GRIK1: variants seen among roughly 807,000 people sequenced by gnomAD.
The protein encoded by GRIK1 is glutamate ionotropic receptor kainate type subunit 1.
In GRIK1, 69 loss-of-function variants were observed where a neutral mutation model predicts 105.7. The observed-to-expected ratio is 0.65, with a 90% CI of 0.54 to 0.80. GRIK1 has a LOEUF of 0.80. Ranked by LOEUF, GRIK1 falls within the 30% of genes least tolerant of loss-of-function variation. The pLI, the probability that GRIK1 is intolerant of heterozygous loss-of-function variation, is 0.00. For missense variants in GRIK1, 1,109 were observed against 1,167.3 expected (o/e 0.95, Z 0.73); for synonymous variants, 438 against 431.3 (o/e 1.02, Z -0.19).
At chr21:29,811,009 C>A (rs927182850) in intron 1 of GRIK1, among the ~76,000 whole-genome samples, 2 of 152,134 alleles carry the variant, frequency 1.3e-5, no homozygotes, top group Admixed American at 1.3e-4. Context: ...GACTGACAGG[C>A]AATTTCAACT....
intron 1 of GRIK1, among the ~76,000 whole-genome samples, chr21:29,843,896 C>T (rs1282357061): frequency 6.6e-6 from 1 of 152,170 alleles, no homozygotes; most frequent in Non-Finnish European, 1.5e-5. Flanking sequence ...TGGACTGGTT[C>T]AGTCCCCACA....
intron 1 of GRIK1, among the ~76,000 whole-genome samples, chr21:29,868,301 A>T (rs929761414): frequency 2.0e-5 from 3 of 152,168 alleles, no homozygotes; most frequent in African/African-American, 7.2e-5. Flanking sequence ...CTTGTCTGAG[A>T]CATATTTACT....
chr21:29,838,165 T>C (rs1018738600), intron 1 of GRIK1, among the ~76,000 whole-genome samples: 3 of 152,102 alleles, frequency 2.0e-5, no homozygotes, highest in African/African-American at 7.2e-5. Flanking sequence ...GGGTCCATAA[T>C]AGGATAAGAG....
chr21:29,681,488 G>C (rs1332395945), intron 3 of GRIK1, among the ~76,000 whole-genome samples: 2 of 152,110 alleles, frequency 1.3e-5, no homozygotes, highest in Non-Finnish European at 2.9e-5. Flanking sequence ...TAGCTGTTCT[G>C]TCTGACTAGA....
chr21:29,614,665 G>A (rs1452550688), intron 7 of GRIK1, among the ~76,000 whole-genome samples: 2 of 151,046 alleles, frequency 1.3e-5, no homozygotes, highest in African/African-American at 4.9e-5. Context: ...TGCCTGCCTC[G>A]GCCTCCCAAA....
At chr21:29,643,633 G>T (rs1045219910) in intron 6 of GRIK1, among the ~76,000 whole-genome samples, 2 of 152,156 alleles carry the variant, frequency 1.3e-5, no homozygotes, top group African/African-American at 4.8e-5. Context: ...CTTTTAGGGG[G>T]TTGGGCATCT....
At chr21:29,803,875 C>T (rs971623272) in intron 1 of GRIK1, among the ~76,000 whole-genome samples, 3 of 152,090 alleles carry the variant, frequency 2.0e-5, no homozygotes, top group African/African-American at 7.2e-5. Context: ...ATCCCATTGA[C>T]TCATTTCTTG....
At chr21:29,674,662 C>T (rs938965948) in intron 3 of GRIK1, among the ~76,000 whole-genome samples, 1 of 152,086 alleles carries the variant, frequency 6.6e-6, no homozygotes, top group African/African-American at 2.4e-5. Context: ...CCCTTGCTCT[C>T]TCTCTCTCTT....
chr21:29,556,028 C>G (rs943319603), intron 15 of GRIK1, among the ~76,000 whole-genome samples: 1 of 152,110 alleles, frequency 6.6e-6, no homozygotes, highest in African/African-American at 2.4e-5. Flanking sequence ...CAGTAACTTT[C>G]TCCAGAGAAG....
At chr21:29,549,000 T>C (rs541345167) in intron 16 of GRIK1, among the ~76,000 whole-genome samples, 14 of 152,334 alleles carry the variant, frequency 9.2e-5, no homozygotes, top group African/African-American at 3.4e-4. Flanking sequence ...CTATGTTTCA[T>C]TGCTGTTGAT....
chr21:29,703,187 A>G (rs1258668882), intron 1 of GRIK1, among the ~76,000 whole-genome samples: 2 of 152,226 alleles, frequency 1.3e-5, no homozygotes, highest in African/African-American at 2.4e-5. Context: ...CCAAGATACT[A>G]TATGTATTCT....
chr21:29,842,495 T>C (rs1239008484), intron 1 of GRIK1, among the ~76,000 whole-genome samples: 1 of 152,166 alleles, frequency 6.6e-6, no homozygotes, highest in African/African-American at 2.4e-5. Flanking sequence ...GTCCTCATAT[T>C]TTGGAGTTAA....
At chr21:29,837,278 C>T (rs144092789) in intron 1 of GRIK1, among the ~76,000 whole-genome samples, 1 of 152,206 alleles carries the variant, frequency 6.6e-6, no homozygotes, top group African/African-American at 2.4e-5. Flanking sequence ...CGTTTTGGCA[C>T]ATAGGGGAGG....
chr21:29,679,297 C>G (rs2063329847), intron 3 of GRIK1, among the ~76,000 whole-genome samples: 1 of 152,178 alleles, frequency 6.6e-6, no homozygotes, highest in South Asian at 2.1e-4. Context: ...CTCTTCACTG[C>G]AGGCTGCATT....
chr21:29,584,466 A>C (rs2091088892), intron 12 of GRIK1, among the ~76,000 whole-genome samples: 1 of 152,222 alleles, frequency 6.6e-6, no homozygotes, highest in African/African-American at 2.4e-5. Flanking sequence ...CAAAAAGTGG[A>C]AACATTGTCA....
intron 12 of GRIK1, among the ~76,000 whole-genome samples, chr21:29,585,340 T>G (rs1442388947): frequency 6.6e-6 from 1 of 152,168 alleles, no homozygotes; most frequent in Non-Finnish European, 1.5e-5. Flanking sequence ...CGTGCCATTC[T>G]GACATACTCT....
intron 7 of GRIK1, among the ~76,000 whole-genome samples, chr21:29,621,546 C>T (rs574405429): frequency 2.0e-5 from 3 of 152,172 alleles, no homozygotes; most frequent in African/African-American, 7.2e-5. Context: ...TAATAGTGAA[C>T]CCTCTTGCTA....
intron 8 of GRIK1, chr21:29,597,836 G>A (rs895000615): frequency 2.8e-5 from 5 of 176,512 alleles, no homozygotes; most frequent in East Asian, 1.7e-4. Context: ...GAGGGGGAGG[G>A]GTAGTTAGCA....
intron 1 of GRIK1, among the ~76,000 whole-genome samples, chr21:29,754,196 T>G (rs1351123597): frequency 6.6e-6 from 1 of 152,184 alleles, no homozygotes; most frequent in Non-Finnish European, 1.5e-5. Flanking sequence ...ACAAATGCAG[T>G]TAGTGAACTT....
Sources: allele counts gnomAD v4.1 joint callset (sites outside exome capture counted in the v4.1 genomes callset), GRCh38; gene constraint gnomAD v4.1.1; transcripts MANE v1.5; gene names NCBI Gene and HGNC (gene_info 2026-07-23, HGNC 2026-07-21).